HPSE2: variants seen among roughly 807,000 people sequenced by gnomAD.
HPSE2 encodes the protein inactive heparanase-2.
Under a neutral mutation model 60.5 loss-of-function variants are expected in HPSE2, and 38 were observed. That is an observed-to-expected ratio of 0.63 (90% CI 0.48 to 0.82). The LOEUF (loss-of-function observed/expected upper bound fraction) is 0.82, where lower values mean the gene tolerates loss of function less well. HPSE2 is among the 40% of genes least tolerant of loss of function. The pLI, the probability that HPSE2 is intolerant of heterozygous loss-of-function variation, is 0.00. For missense variants in HPSE2, 713 were observed against 740.4 expected (o/e 0.96, Z 0.43); for synonymous variants, 295 against 293.2 (o/e 1.01, Z -0.06).
chr10:99,170,765 A>G (rs1847276091), intron 2 of HPSE2, among the ~76,000 whole-genome samples: 1 of 152,186 alleles, frequency 6.6e-6, no homozygotes, highest in African/African-American at 2.4e-5. Context: ...ATTCTTCACA[A>G]AAGTGCTAAA....
chr10:98,891,647 G>A (rs1208605668), intron 3 of HPSE2, among the ~76,000 whole-genome samples: 1 of 151,826 alleles, frequency 6.6e-6, no homozygotes. Context: ...ACAGAGACAG[G>A]GTCTCACTGT....
At chr10:98,692,494 C>T (rs894492198) in intron 6 of HPSE2, among the ~76,000 whole-genome samples, 5 of 151,822 alleles carry the variant, frequency 3.3e-5, no homozygotes, top group Non-Finnish European at 5.9e-5. Flanking sequence ...TAAGGCCGGG[C>T]GCGGTGGCTC....
At chr10:99,314,934 G>C in the HPSE2 span, among the ~76,000 whole-genome samples, 2 of 152,050 alleles carry the variant, frequency 1.3e-5, no homozygotes, top group East Asian at 3.9e-4. Flanking sequence ...CTTCAATTTG[G>C]TTGAAAGAAA....
intron 3 of HPSE2, among the ~76,000 whole-genome samples, chr10:98,860,878 T>C (rs1952443125): frequency 6.6e-6 from 1 of 152,214 alleles, no homozygotes; most frequent in Admixed American, 6.5e-5. Context: ...CATTTTACTC[T>C]GTGTTCTAAT....
At chr10:98,600,855 TTA>T (rs1169958655) in intron 9 of HPSE2, among the ~76,000 whole-genome samples, 3 of 141,926 alleles carry the variant, frequency 2.1e-5, no homozygotes, top group South Asian at 2.2e-4. Context: ...CACACACATA[TTA>T]TATATATACG....
At chr10:98,495,242 A>G (rs181516615) in intron 9 of HPSE2, among the ~76,000 whole-genome samples, 1 of 152,150 alleles carries the variant, frequency 6.6e-6, no homozygotes, top group Admixed American at 6.5e-5. Flanking sequence ...GTTTCTGATG[A>G]GAAATCTGCT....
chr10:99,201,058 T>C (rs1848561229), intron 2 of HPSE2, among the ~76,000 whole-genome samples: 1 of 152,124 alleles, frequency 6.6e-6, no homozygotes, highest in Non-Finnish European at 1.5e-5. Flanking sequence ...GAGCCAAAAA[T>C]CTAATCTGCA....
chr10:98,650,603 C>A (rs994156800), intron 6 of HPSE2, among the ~76,000 whole-genome samples: 7 of 152,124 alleles, frequency 4.6e-5, no homozygotes, highest in Non-Finnish European at 1.0e-4. Flanking sequence ...TAATCCCATG[C>A]AAGAACAGTT....
In HPSE2 at chr10:98,767,254, T is replaced by C. The variant is rs570296682; in HGVS notation, c.611-23198A>G. ...AAAGGCTATTTGCAATAAGAATAAA[T>C]TAGAAATAGCCTAAATGTCCATCTA... On this transcript the variant is annotated intron_variant, in intron 3 of 11. Transcript: ENST00000370552. 2.5e-3 allele frequency among the ~76,000 whole-genome samples: 387 copies of C among 152,118 alleles called. 1 individual carries two copies. The highest frequency in any genetic ancestry group is 4.1e-3 in the Non-Finnish European group (281 of 67,956).
chr10:99,303,455 A>G, the HPSE2 span, among the ~76,000 whole-genome samples: 1 of 152,172 alleles, frequency 6.6e-6, no homozygotes, highest in Non-Finnish European at 1.5e-5. Flanking sequence ...CCAAAGGGAA[A>G]TAATTAACCT....
intron 3 of HPSE2, among the ~76,000 whole-genome samples, chr10:99,116,230 A>G (rs1844684242): frequency 6.6e-6 from 1 of 151,966 alleles, no homozygotes; most frequent in Non-Finnish European, 1.5e-5. Flanking sequence ...TTCAAACTCT[A>G]ACAGTCTAAA....
At chr10:98,885,402 C>T (rs1953136406) in intron 3 of HPSE2, among the ~76,000 whole-genome samples, 2 of 152,134 alleles carry the variant, frequency 1.3e-5, no homozygotes, top group Non-Finnish European at 2.9e-5. Flanking sequence ...AATAAAGCAA[C>T]TGCAGAGTTT....
chr10:98,458,997 C>T lies in HPSE2; in HGVS notation c.*577G>A, dbSNP rs367720244. The T allele has an allele frequency of 3.3e-4, 56 of 170,416 alleles. No individual in the cohort carries two copies. The highest frequency in any genetic ancestry group is 1.2e-3 in the African/African-American group (51 of 42,054). 10.6% of individuals were successfully genotyped at this position (170,416 alleles called of 1,614,324 possible). On this transcript the variant is annotated 3_prime_UTR_variant, in exon 12 of 12. Coordinates refer to ENST00000370552, the MANE Select transcript of HPSE2 (RefSeq NM_021828.5). ...CAGATGCGCACGCTCATACATCAGC[C>T]GGGAAATCATACAAACAGCTCTCCC... is the stretch of plus-strand genomic sequence containing the variant.
intron 3 of HPSE2, among the ~76,000 whole-genome samples, chr10:98,797,954 C>T (rs911669251): frequency 1.3e-5 from 2 of 152,124 alleles, no homozygotes; most frequent in South Asian, 2.1e-4. Flanking sequence ...AAGATACCAA[C>T]ATTCAAGTAC....
At chr10:98,853,911 A>G (rs1304051677) in intron 3 of HPSE2, among the ~76,000 whole-genome samples, 1 of 152,194 alleles carries the variant, frequency 6.6e-6, no homozygotes, top group African/African-American at 2.4e-5. Flanking sequence ...GTGTAAGACA[A>G]GTGAAAGGGA....
rs1020993222 is a variant in HPSE2, at chr10:98,890,734, G to T, written c.611-146678C>A. 1.3e-4 allele frequency among the ~76,000 whole-genome samples: 20 copies of T among 152,244 alleles called. 1 individual carries two copies. Among genetic ancestry groups the T allele is most frequent in the Admixed American group, 6.5e-4 (10 of 15,288 alleles). On this transcript the variant is annotated intron_variant, in intron 3 of 11. Transcript: ENST00000370552. ...TTTTAACTCCCTTGGGGTTGTAAAA[G>T]GGGCACCAAGCCCAGGGCATCCTAC...
intron 9 of HPSE2, among the ~76,000 whole-genome samples, chr10:98,511,618 G>A (rs988918824): frequency 6.6e-5 from 10 of 151,598 alleles, no homozygotes; most frequent in South Asian, 2.1e-4. Context: ...GTGTGCGCAC[G>A]TGTGTGTTGG....
intron 2 of HPSE2, among the ~76,000 whole-genome samples, chr10:99,151,668 A>G (rs1039308690): frequency 6.6e-6 from 1 of 152,236 alleles, no homozygotes; most frequent in Non-Finnish European, 1.5e-5. Flanking sequence ...ACTTCCTCCA[A>G]TTTGAAACAA....
At chr10:98,908,539 C>T (rs537837676) in intron 3 of HPSE2, among the ~76,000 whole-genome samples, 4 of 151,626 alleles carry the variant, frequency 2.6e-5, no homozygotes, top group Admixed American at 1.3e-4. Context: ...CAAAATTAGC[C>T]GGGCATGGTG....
Sources: allele counts gnomAD v4.1 joint callset (sites outside exome capture counted in the v4.1 genomes callset), GRCh38; gene constraint gnomAD v4.1.1; transcripts MANE v1.5; gene names NCBI Gene and HGNC (gene_info 2026-07-23, HGNC 2026-07-21).